FGGY: variants seen among roughly 807,000 people sequenced by gnomAD.
FGGY encodes FGGY carbohydrate kinase domain containing.
In FGGY, 72 loss-of-function variants were observed where a neutral mutation model predicts 71.3. The ratio of observed to expected loss-of-function variants is 1.01; its 90% confidence interval spans 0.84 to 1.23. The LOEUF is 1.23. Ranked by LOEUF, FGGY falls within the 50% of genes most tolerant of loss-of-function variation. FGGY has a pLI of 0.00. For missense variants in FGGY, 668 were observed against 682.3 expected (o/e 0.98, Z 0.23); for synonymous variants, 251 against 250.3 (o/e 1.00, Z -0.02).
chr1:59,499,938 T>C (rs1039109070), intron 6 of FGGY, among the ~76,000 whole-genome samples: 14 of 152,218 alleles, frequency 9.2e-5, no homozygotes, highest in African/African-American at 3.4e-4. Context: ...TGTGTAAATA[T>C]ATACATATAT....
chr1:59,336,436 G>A (rs1472948169), intron 2 of FGGY, among the ~76,000 whole-genome samples: 1 of 148,806 alleles, frequency 6.7e-6, no homozygotes, highest in African/African-American at 2.5e-5. Context: ...AATTTTGTCA[G>A]TTTCTACAAA....
intron 1 of FGGY, among the ~76,000 whole-genome samples, chr1:59,299,897 A>G (rs2042500407): frequency 6.6e-6 from 1 of 152,210 alleles, no homozygotes; most frequent in African/African-American, 2.4e-5. Flanking sequence ...TGAGCAGGTA[A>G]TCGGAATGAG....
At chr1:59,313,735 C>T (rs1200404055) in intron 1 of FGGY, among the ~76,000 whole-genome samples, 2 of 152,114 alleles carry the variant, frequency 1.3e-5, no homozygotes, top group Non-Finnish European at 2.9e-5. Context: ...TGTTCTCACT[C>T]ATAAGTGGGA....
intron 5 of FGGY, among the ~76,000 whole-genome samples, chr1:59,434,884 C>T (rs2068098243): frequency 1.3e-5 from 2 of 152,122 alleles, no homozygotes; most frequent in African/African-American, 4.8e-5. Context: ...AACCTAAAGA[C>T]ATTCACAGTT....
Position 59,551,112 on chromosome 1 carries a change from G to A in FGGY, c.800-3012G>A, listed in dbSNP as rs927427875. On this transcript the variant is annotated intron_variant, in intron 7 of 15. Transcript: ENST00000303721. ...TGATGATGATGGTGATGATGGTGGT[G>A]GTGGAGAGAGTGATGGTAGTGATGA... 3.3e-5 allele frequency among the ~76,000 whole-genome samples: 5 copies of A among 152,196 alleles called. No individual in the cohort carries two copies. In the East Asian group the frequency reaches 9.7e-4, roughly 29 times the overall value.
intron 4 of FGGY, among the ~76,000 whole-genome samples, chr1:59,353,281 G>T (rs575853738): frequency 1.6e-4 from 25 of 152,200 alleles, no homozygotes; most frequent in African/African-American, 6.0e-4. Flanking sequence ...CATTATCATT[G>T]TGTTTAAAAG....
intron 10 of FGGY, among the ~76,000 whole-genome samples, chr1:59,630,290 T>C (rs2096896699): frequency 6.6e-6 from 1 of 152,134 alleles, no homozygotes; most frequent in East Asian, 1.9e-4. Context: ...AGCCAAACCA[T>C]ATCAACTACT....
At chr1:59,703,819 G>T (rs1481188187) in intron 14 of FGGY, among the ~76,000 whole-genome samples, 2 of 152,188 alleles carry the variant, frequency 1.3e-5, no homozygotes, top group African/African-American at 4.8e-5. Flanking sequence ...TGTCTTGGGT[G>T]AGCTAAGGCT....
At chr1:59,536,194 C>G (rs918120264) in intron 7 of FGGY, among the ~76,000 whole-genome samples, 1 of 151,744 alleles carries the variant, frequency 6.6e-6, no homozygotes, top group African/African-American at 2.4e-5. Flanking sequence ...GAGAATACTA[C>G]AAACACCTCT....
At chr1:59,687,003 C>T (rs2097548940) in intron 14 of FGGY, among the ~76,000 whole-genome samples, 1 of 152,178 alleles carries the variant, frequency 6.6e-6, no homozygotes, top group Non-Finnish European at 1.5e-5. Flanking sequence ...GACTATAAGT[C>T]ACATGCTGTA....
In FGGY at chr1:59,377,335, C is replaced by T. The variant is rs182284794; in HGVS notation, c.466-1414C>T. ...TTAATTGACTCACAGTTCAGCATGG[C>T]TGGGGAGGCCTCAGGAAACTTACAA... On this transcript the variant is annotated intron_variant, in intron 4 of 15. Coordinates refer to ENST00000303721, the MANE Select transcript of FGGY (RefSeq NM_018291.5). Among the ~76,000 whole-genome samples the T allele has an allele frequency of 1.4e-4, 22 of 152,276 alleles. 1 individual carries two copies. Among genetic ancestry groups the T allele is most frequent in the African/African-American group, 5.3e-4 (22 of 41,556 alleles).
At chr1:59,569,910 T>C (rs778993857) in intron 8 of FGGY, among the ~76,000 whole-genome samples, 11 of 152,190 alleles carry the variant, frequency 7.2e-5, no homozygotes, top group Non-Finnish European at 1.6e-4. Flanking sequence ...CTGAGCCATG[T>C]CCACTGCAAT....
At chr1:59,524,982 ACCTAGGGGCTCC>A (rs2094937555) in intron 7 of FGGY, among the ~76,000 whole-genome samples, 1 of 152,178 alleles carries the variant, frequency 6.6e-6, no homozygotes, top group East Asian at 1.9e-4. Flanking sequence ...TGGAGCCCAG[ACCTAGGGGCTCC>A]CCAAGCCAGG....
chr1:59,440,937 G>A (rs1368964090), intron 5 of FGGY, among the ~76,000 whole-genome samples: 1 of 151,810 alleles, frequency 6.6e-6, no homozygotes, highest in African/African-American at 2.4e-5. Flanking sequence ...GGACAAACAA[G>A]GGAAAACTTA....
At chr1:59,307,521 G>A (rs2043632429) in intron 1 of FGGY, among the ~76,000 whole-genome samples, 1 of 152,138 alleles carries the variant, frequency 6.6e-6, no homozygotes, top group African/African-American at 2.4e-5. Flanking sequence ...CTATGACCCT[G>A]ACAGGTGACC....
At chr1:59,526,444 G>C (rs1336597732) in intron 7 of FGGY, among the ~76,000 whole-genome samples, 2 of 152,212 alleles carry the variant, frequency 1.3e-5, no homozygotes, top group African/African-American at 2.4e-5. Flanking sequence ...CCAGGATGAA[G>C]ATGACCCAGT....
At chr1:59,737,524 T>G (rs1017390722) in intron 14 of FGGY, among the ~76,000 whole-genome samples, 14 of 152,066 alleles carry the variant, frequency 9.2e-5, no homozygotes, top group African/African-American at 3.4e-4. Context: ...AGACATGGAG[T>G]CAAAGGAGAT....
chr1:59,376,296 C>T (rs1189645631), intron 4 of FGGY, among the ~76,000 whole-genome samples: 1 of 152,170 alleles, frequency 6.6e-6, no homozygotes, highest in African/African-American at 2.4e-5. Flanking sequence ...TAGACACAAG[C>T]TTTCACCTAG....
At chr1:59,543,206 C>A (rs898011558) in intron 7 of FGGY, among the ~76,000 whole-genome samples, 2 of 152,160 alleles carry the variant, frequency 1.3e-5, no homozygotes, top group Non-Finnish European at 2.9e-5. Flanking sequence ...GGCTTTTTAT[C>A]CTGCTTAGGG....
Sources: allele counts gnomAD v4.1 joint callset (sites outside exome capture counted in the v4.1 genomes callset), GRCh38; gene constraint gnomAD v4.1.1; transcripts MANE v1.5; gene names NCBI Gene and HGNC (gene_info 2026-07-23, HGNC 2026-07-21).